The following CD164 variants were observed in gnomAD, a reference collection of about 807,000 sequenced individuals.
The protein encoded by CD164 is sialomucin core protein 24.
CD164 carries 11 observed loss-of-function variants against 24.6 expected under a neutral mutation model. That is an observed-to-expected ratio of 0.45 (90% CI 0.28 to 0.74). The LOEUF is 0.74. Among genes scored for constraint, CD164 ranks in the 30% least tolerant of loss-of-function variants. The pLI, the probability that CD164 is intolerant of heterozygous loss-of-function variation, is 0.13. For missense variants in CD164, 295 were observed against 243.7 expected (o/e 1.21, Z -1.40); for synonymous variants, 126 against 100.3 (o/e 1.26, Z -1.53).
intron 1 of CD164, chr6:109,381,586 T>G: frequency 1.4e-6 from 1 of 702,570 alleles, no homozygotes; most frequent in Non-Finnish European, 2.6e-6. Flanking sequence ...TACTTTGAAG[T>G]GTGAAGTTTT....
chr6:109,375,512 G>A (rs1771342354), intron 4 of CD164, among the ~76,000 whole-genome samples: 1 of 151,678 alleles, frequency 6.6e-6, no homozygotes, highest in Non-Finnish European at 1.5e-5. Context: ...AGCGACTCAG[G>A]AGGCTGAGGC....
At chr6:109,377,643 T>TA (rs1358033996) in intron 3 of CD164, among the ~76,000 whole-genome samples, 17 of 118,814 alleles carry the variant, frequency 1.4e-4, no homozygotes, top group South Asian at 6.8e-4. Context: ...CTAGAAAAGT[T>TA]TAAAAAAAAA....
At chr6:109,381,657 T>G (rs1771755226) in intron 1 of CD164, 1 of 694,962 alleles carries the variant, frequency 1.4e-6, no homozygotes, top group African/African-American at 1.8e-5. Flanking sequence ...CCAATGTAAT[T>G]AAATCTCAAG....
intron 3 of CD164, 41 bp from the exon 4 acceptor site, chr6:109,376,153 C>T: frequency 1.4e-6 from 2 of 1,453,682 alleles, no homozygotes; most frequent in African/African-American, 2.9e-5. Context: ...TACATCAAAG[C>T]TATTTAAAAT....
intron 3 of CD164, 113 bp from the exon 4 acceptor site, chr6:109,376,225 C>A: frequency 1.6e-6 from 1 of 640,002 alleles, no homozygotes; most frequent in Non-Finnish European, 2.5e-6. Flanking sequence ...ACAATTTTTA[C>A]AACACTTAAA....
At chr6:109,375,886 A>C (rs1771378054) in intron 4 of CD164, 188 bp downstream of exon 4, 2 of 545,088 alleles carry the variant, frequency 3.7e-6, no homozygotes, top group Non-Finnish European at 6.3e-6. Flanking sequence ...CGACTATAAA[A>C]CACTGGAGCT....
intron 1 of CD164, chr6:109,381,972 GC>G: frequency 2.6e-6 from 1 of 379,458 alleles, no homozygotes; most frequent in Non-Finnish European, 4.7e-6. Flanking sequence ...GGGGGCCCCA[GC>G]CCCGCAGCCA....
Position 109,368,910 on chromosome 6 carries a change from C to T in CD164, c.535G>A (p.Val179Ile), listed in dbSNP as rs139657427. 7.4e-6 allele frequency: 12 copies of T among 1,613,520 alleles called. No homozygotes were observed. Among genetic ancestry groups the T allele is most frequent in the African/African-American group, 1.3e-5 (1 of 75,018 alleles). ...CAGAATTTATAAAGAAAGAAAATTA[C>T]AGCCTGCACACCCAAGACCAGGACA... ...GIVLVLGVQAVIFFLYKFCKS... is the reference protein window; with the variant it reads ...GIVLVLGVQAIIFFLYKFCKS... Residue 179 changes from valine to isoleucine, a missense_variant, in exon 6 of 6, where the codon GTA (valine) becomes ATA (isoleucine). Coordinates refer to ENST00000310786, the MANE Select transcript of CD164 (RefSeq NM_006016.6).
chr6:109,367,479 A>G lies in CD164; in HGVS notation c.*1372T>C, dbSNP rs551813324. On this transcript the variant is annotated 3_prime_UTR_variant, in exon 6 of 6. Coordinates refer to ENST00000310786, the MANE Select transcript of CD164 (RefSeq NM_006016.6). Reference sequence around the variant, plus strand: ...TTAAACTACTTAAAGCCTCTGCACTAGTCCAATGAGTCAAAGGCAAGGGAG... The same window carrying G: ...TTAAACTACTTAAAGCCTCTGCACTGGTCCAATGAGTCAAAGGCAAGGGAG... The G allele has an allele frequency of 6.7e-4, 102 of 152,510 alleles. No homozygotes were observed. The highest frequency in any genetic ancestry group is 3.4e-3 in the Middle Eastern group (1 of 294). The allele number at this position is 152,510 out of a possible 1,614,324, so 9.4% of individuals were successfully genotyped here.
intron 3 of CD164, among the ~76,000 whole-genome samples, chr6:109,377,314 T>C (rs931640753): frequency 3.3e-5 from 5 of 152,244 alleles, no homozygotes; most frequent in Non-Finnish European, 7.3e-5. Context: ...ATCTTTTTCC[T>C]ATTCAATTAT....
At position 109,368,723 on chromosome 6, in the gene CD164, T is replaced by A. The variant is rs1770907630; in HGVS notation, c.*128A>T. 2.8e-5 allele frequency: 40 copies of A among 1,435,842 alleles called. No homozygotes were observed. The highest frequency in any genetic ancestry group is 3.5e-5 in the Non-Finnish European group (39 of 1,099,324). 88.9% of individuals were successfully genotyped at this position (1,435,842 alleles called of 1,614,324 possible). A position where few individuals can be genotyped will look rare whatever the true frequency, so the allele number is the denominator to read the frequency against. ...ACGGATGATGCTCCCAAACATCCTA[T>A]ATGCATCCATGGAAATTTAAAGATC... is the stretch of plus-strand genomic sequence containing the variant. On this transcript the variant is annotated 3_prime_UTR_variant, in exon 6 of 6. Coordinates refer to ENST00000310786, the MANE Select transcript of CD164 (RefSeq NM_006016.6).
intron 3 of CD164, among the ~76,000 whole-genome samples, chr6:109,376,826 ATAT>A (rs1323193261): frequency 6.6e-6 from 1 of 152,240 alleles, no homozygotes; most frequent in African/African-American, 2.4e-5. Flanking sequence ...TATCTAACAC[ATAT>A]TAAAGTAATT....
chr6:109,374,406 TCTC>T, intron 4 of CD164, among the ~76,000 whole-genome samples: 1 of 151,920 alleles, frequency 6.6e-6, no homozygotes, highest in Non-Finnish European at 1.5e-5. Context: ...TCACTCTACC[TCTC>T]CTCCTCTCAG....
rs745759006 is a variant in CD164, at chr6:109,382,398, T to G, written c.-20A>C. 2.0e-6 allele frequency: 3 copies of G among 1,504,016 alleles called. No individual in the cohort carries two copies. In the African/African-American group the frequency reaches 4.2e-5, roughly 21 times the overall value. 93.2% of individuals were successfully genotyped at this position (1,504,016 alleles called of 1,614,324 possible). A position where few individuals can be genotyped will look rare whatever the true frequency, so the allele number is the denominator to read the frequency against. ...CGACATCGTGTCCTCAGCGCTGGCG[T>G]TCGGGAGAAAGCTAAGGCTCGCAAC... On this transcript the variant is annotated 5_prime_UTR_variant, in exon 1 of 6. Transcript: ENST00000310786.
At chr6:109,381,580 TTGAAGTG>T (rs1165234199) in intron 1 of CD164, 2 of 702,502 alleles carry the variant, frequency 2.8e-6, no homozygotes, top group Non-Finnish European at 5.2e-6. Context: ...TTCGCATACT[TTGAAGTG>T]TGAAGTTTTC....
intron 4 of CD164, among the ~76,000 whole-genome samples, chr6:109,374,518 C>CT (rs1392769347): frequency 6.6e-6 from 1 of 152,176 alleles, no homozygotes; most frequent in Non-Finnish European, 1.5e-5. Flanking sequence ...GCTATCTAAT[C>CT]TCCTGAGTTC....
chr6:109,373,333 T>A (rs1431030592), intron 4 of CD164, among the ~76,000 whole-genome samples: 1 of 152,232 alleles, frequency 6.6e-6, no homozygotes, highest in African/African-American at 2.4e-5. Context: ...CACCCTTCTA[T>A]ATAAATTAGA....
Position 109,382,394 on chromosome 6 carries a change from G to T in CD164, c.-16C>A, listed in dbSNP as rs756978913. The T allele has an allele frequency of 1.3e-6, 2 of 1,512,376 alleles. No individual in the cohort carries two copies. The highest frequency in any genetic ancestry group is 1.8e-6 in the Non-Finnish European group (2 of 1,132,102). 93.7% of individuals were successfully genotyped at this position (1,512,376 alleles called of 1,614,324 possible). On this transcript the variant is annotated 5_prime_UTR_variant, in exon 1 of 6. Transcript: ENST00000310786. The stretch of plus-strand genomic sequence containing the variant: ...GCCGCGACATCGTGTCCTCAGCGCT[G>T]GCGTTCGGGAGAAAGCTAAGGCTCG...
At chr6:109,375,617 C>CAAAAAAAAAAAAAAAAAAAAAAAAAAAA (rs58138405) in intron 4 of CD164, among the ~76,000 whole-genome samples, 22 of 71,350 alleles carry the variant, frequency 3.1e-4, no homozygotes, top group African/African-American at 7.0e-4. Flanking sequence ...ACTTCGCTTC[C>CAAAAAAAAAAAAAAAAAAAAAAAAAAAA]AAAAAAAAAA....
Sources: allele counts gnomAD v4.1 joint callset (sites outside exome capture counted in the v4.1 genomes callset), GRCh38; gene constraint gnomAD v4.1.1; transcripts MANE v1.5; gene names NCBI Gene and HGNC (gene_info 2026-07-23, HGNC 2026-07-21).